The following RABGAP1 variants were observed in gnomAD, a reference collection of about 807,000 sequenced individuals.
The protein encoded by RABGAP1 is RAB GTPase activating protein 1, also known as rab GTPase-activating protein 1.
In RABGAP1, 23 loss-of-function variants were observed where a neutral mutation model predicts 137.6. The ratio of observed to expected loss-of-function variants is 0.17; its 90% confidence interval spans 0.12 to 0.24. The LOEUF is 0.24. Among genes scored for constraint, RABGAP1 ranks in the 10% least tolerant of loss-of-function variants. RABGAP1 has a pLI of 1.00. For missense variants in RABGAP1, 906 were observed against 1,275.8 expected (o/e 0.71, Z 4.42); for synonymous variants, 451 against 450.7 (o/e 1.00, Z -0.01).
rs116184763 is a variant in RABGAP1, at chr9:123,081,565, T to G, written c.2424+4803T>G. ...GATCCTCCCATGTCAGCCTCTCAAG[T>G]AGCTGCGAGTACAGGCATGCACCAC... On this transcript the variant is annotated intron_variant, in intron 19 of 25. Coordinates refer to ENST00000373647, the MANE Select transcript of RABGAP1 (RefSeq NM_012197.4). 6.3e-3 allele frequency among the ~76,000 whole-genome samples: 956 copies of G among 152,234 alleles called. 9 individuals carry two copies. The highest frequency in any genetic ancestry group is 0.022 in the African/African-American group (903 of 41,540).
At chr9:123,040,701 C>T (rs546167084) in intron 13 of RABGAP1, among the ~76,000 whole-genome samples, 1 of 151,860 alleles carries the variant, frequency 6.6e-6, no homozygotes, top group Non-Finnish European at 1.5e-5. Flanking sequence ...TTGTTTTTTA[C>T]GTTAGTTTGA....
intron 1 of RABGAP1, among the ~76,000 whole-genome samples, chr9:122,956,332 T>C (rs1834512415): frequency 6.6e-6 from 1 of 152,238 alleles, no homozygotes; most frequent in African/African-American, 2.4e-5. Context: ...TCAATAATGC[T>C]AGGAAAACCT....
chr9:122,933,282 A>C, the RABGAP1 span, among the ~76,000 whole-genome samples: 1 of 151,972 alleles, frequency 6.6e-6, no homozygotes, highest in Admixed American at 6.6e-5. Context: ...AATGCCTATA[A>C]TTTTTATATA....
At chr9:122,983,321 T>G (rs536280874) in intron 2 of RABGAP1, among the ~76,000 whole-genome samples, 14 of 152,166 alleles carry the variant, frequency 9.2e-5, no homozygotes, top group Non-Finnish European at 1.9e-4. Flanking sequence ...TAAAATGAAA[T>G]TCACAGAAAC....
intron 1 of RABGAP1, among the ~76,000 whole-genome samples, chr9:122,949,931 G>A (rs1191671875): frequency 1.3e-5 from 2 of 152,166 alleles, no homozygotes; most frequent in East Asian, 3.8e-4. Flanking sequence ...AGCAGCATAT[G>A]AAAAGGCTTG....
chr9:123,040,891 C>G (rs1316722759), intron 13 of RABGAP1, among the ~76,000 whole-genome samples: 1 of 152,110 alleles, frequency 6.6e-6, no homozygotes, highest in Non-Finnish European at 1.5e-5. Context: ...ATCATTTGGT[C>G]TGATTCTGTT....
At position 122,989,412 on chromosome 9, in the gene RABGAP1, A is replaced by G; in HGVS notation, c.706A>G (p.Ser236Gly). 6.2e-7 allele frequency: 1 copy of G among 1,614,070 alleles called. No individual in the cohort carries two copies. Among genetic ancestry groups the G allele is most frequent in the Non-Finnish European group, 8.5e-7 (1 of 1,180,016 alleles). Residue 236 changes from serine (S) to glycine (G), a missense_variant, in exon 5 of 26, where the codon AGT becomes GGT. Coordinates refer to ENST00000373647, the MANE Select transcript of RABGAP1 (RefSeq NM_012197.4). The part of the protein sequence containing the change: ...PESDCFAFTE[S>G]HYNAELFRIH... The stretch of plus-strand genomic sequence containing the variant: ...GAGTGACTGTTTTGCTTTCACTGAA[A>G]GTCATTACAATGCAGAGCTCTTCAG...
At chr9:123,071,398 T>C (rs2034352108) in intron 15 of RABGAP1, 1 of 152,252 alleles carries the variant, frequency 6.6e-6, no homozygotes. Context: ...TTGTCTCATT[T>C]TCTCATGATT....
In RABGAP1 at chr9:122,989,289, C is replaced by G. The variant is rs778096596; in HGVS notation, c.591-8C>G. On this transcript the variant is annotated splice_region_variant and splice_polypyrimidine_tract_variant and intron_variant, in intron 4 of 25. Coordinates refer to ENST00000373647, the MANE Select transcript of RABGAP1 (RefSeq NM_012197.4). ...CTGTAATCTCTCTGTATCTTTTTCTCTGAACAGACTCTTAGATCCTCAGAC... is the reference window on the plus strand; with the variant it reads ...CTGTAATCTCTCTGTATCTTTTTCTGTGAACAGACTCTTAGATCCTCAGAC... 8.7e-6 allele frequency: 14 copies of G among 1,607,676 alleles called. No individual in the cohort carries two copies. Among genetic ancestry groups the G allele is most frequent in the Non-Finnish European group, 1.1e-5 (13 of 1,175,146 alleles).
chr9:123,095,582 G>T (rs2035158299), intron 21 of RABGAP1, among the ~76,000 whole-genome samples: 1 of 152,058 alleles, frequency 6.6e-6, no homozygotes. Flanking sequence ...CATGCCTGTA[G>T]TCCCAGCTGC....
intron 12 of RABGAP1, among the ~76,000 whole-genome samples, chr9:123,017,244 A>G (rs2031298402): frequency 6.6e-6 from 1 of 152,194 alleles, no homozygotes; most frequent in Non-Finnish European, 1.5e-5. Flanking sequence ...AATCATGTAG[A>G]TATAGCATTA....
intron 1 of RABGAP1, among the ~76,000 whole-genome samples, chr9:122,941,488 A>T (rs1833564581): frequency 6.6e-6 from 1 of 151,992 alleles, no homozygotes; most frequent in Non-Finnish European, 1.5e-5. Context: ...CCCCCGCCTC[A>T]GTTTCTCCCC....
chr9:123,052,607 A>G (rs192998319), intron 13 of RABGAP1, among the ~76,000 whole-genome samples: 11 of 152,300 alleles, frequency 7.2e-5, no homozygotes, highest in Non-Finnish European at 1.3e-4. Context: ...TAAAACCCTG[A>G]GCACTCGTCT....
chr9:122,997,072 A>T, intron 8 of RABGAP1, 187 bp from the exon 9 acceptor site: 1 of 581,208 alleles, frequency 1.7e-6, no homozygotes, highest in Admixed American at 2.9e-5. Flanking sequence ...GCATATACAT[A>T]TAACTTCAGG....
chr9:123,051,118 T>C (rs2033435168), intron 13 of RABGAP1, among the ~76,000 whole-genome samples: 3 of 151,690 alleles, frequency 2.0e-5, no homozygotes, highest in African/African-American at 7.3e-5. Context: ...ATTTTTTTTT[T>C]TTTTTTAGGA....
intron 12 of RABGAP1, among the ~76,000 whole-genome samples, chr9:123,020,045 T>G (rs75795131): frequency 1.2e-3 from 175 of 149,772 alleles, no homozygotes; most frequent in Middle Eastern, 3.4e-3. Context: ...TTGCTTTTTT[T>G]TTTTTTTTTT....
At chr9:122,962,436 ACT>A in intron 2 of RABGAP1, among the ~76,000 whole-genome samples, 1 of 151,926 alleles carries the variant, frequency 6.6e-6, no homozygotes, top group Non-Finnish European at 1.5e-5. Flanking sequence ...TGGGAGAATT[ACT>A]TGAGCCCAGG....
At chr9:123,008,748 T>G (rs2030536056) in intron 10 of RABGAP1, among the ~76,000 whole-genome samples, 4 of 152,136 alleles carry the variant, frequency 2.6e-5, no homozygotes, top group African/African-American at 9.7e-5. Context: ...TATTAATTAA[T>G]GAGAGAACCA....
At chr9:123,064,400 C>G (rs994271396) in intron 13 of RABGAP1, among the ~76,000 whole-genome samples, 1 of 152,332 alleles carries the variant, frequency 6.6e-6, no homozygotes, top group African/African-American at 2.4e-5. Flanking sequence ...GATCCCACAA[C>G]TATAAAATAT....
Sources: allele counts gnomAD v4.1 joint callset (sites outside exome capture counted in the v4.1 genomes callset), GRCh38; gene constraint gnomAD v4.1.1; transcripts MANE v1.5; gene names NCBI Gene and HGNC (gene_info 2026-07-23, HGNC 2026-07-21).